The following FCGRT variants were observed in gnomAD, a reference collection of about 807,000 sequenced individuals.
FCGRT encodes IgG receptor FcRn large subunit p51.
Under a neutral mutation model 35.7 loss-of-function variants are expected in FCGRT, and 13 were observed. That is an observed-to-expected ratio of 0.36 (90% CI 0.24 to 0.58). The LOEUF (loss-of-function observed/expected upper bound fraction) is 0.58. Among genes scored for constraint, FCGRT ranks in the 20% least tolerant of loss-of-function variants. The pLI, the probability that FCGRT is intolerant of heterozygous loss-of-function variation, is 0.77. For synonymous variants in FCGRT, 233 were observed against 216.5 expected (o/e 1.08, Z -0.67); for missense variants, 455 against 474.9 (o/e 0.96, Z 0.39).
chr19:49,519,311 A>C (rs2080027086), intron 4 of FCGRT, among the ~76,000 whole-genome samples: 1 of 151,204 alleles, frequency 6.6e-6, no homozygotes, highest in South Asian at 2.1e-4. Context: ...TTGGTGTTTA[A>C]TCTCAGAAGT....
chr19:49,522,923 G>T (rs1366451077), intron 4 of FCGRT, among the ~76,000 whole-genome samples: 1 of 151,340 alleles, frequency 6.6e-6, no homozygotes, highest in East Asian at 1.9e-4. Flanking sequence ...GACTACAGGC[G>T]CCGGCCACCA....
chr19:49,517,213 A>T (rs2080012717), intron 4 of FCGRT, among the ~76,000 whole-genome samples: 1 of 152,082 alleles, frequency 6.6e-6, no homozygotes, highest in African/African-American at 2.4e-5. Flanking sequence ...TATGGTGGCC[A>T]GGTGCAGTGG....
chr19:49,515,140 C>T (rs1183421517), intron 4 of FCGRT: 1 of 152,076 alleles, frequency 6.6e-6, no homozygotes, highest in East Asian at 1.9e-4. Context: ...GACCACAGCC[C>T]AGCATCATCA....
intron 4 of FCGRT, among the ~76,000 whole-genome samples, chr19:49,522,870 C>T (rs1449395643): frequency 1.3e-5 from 2 of 148,938 alleles, no homozygotes; most frequent in Admixed American, 6.7e-5. Flanking sequence ...CTCCGCCTCC[C>T]GGGTTCACGC....
At position 49,524,475 on chromosome 19, in the gene FCGRT, C is replaced by T. The variant is rs761512901; in HGVS notation, c.602-32C>T. 5.9e-5 allele frequency: 93 copies of T among 1,589,040 alleles called. No homozygotes were observed. In the East Asian group the frequency reaches 1.1e-3, roughly 18 times the overall value. On this transcript the variant is annotated intron_variant, in intron 4 of 6. Coordinates refer to ENST00000221466, the MANE Select transcript of FCGRT (RefSeq NM_001136019.3). ...CCTGGCTCTGGGAGTGGTGGGCTCG[C>T]GACTTAGGCCTGTCTGCCTGATTTC...
chr19:49,526,225 C>T lies in FCGRT; in HGVS notation c.*106C>T. On this transcript the variant is annotated 3_prime_UTR_variant, in exon 7 of 7. Transcript: ENST00000221466. Reference sequence around the variant, plus strand: ...CTGAGCCTCCAGAAGGGGTTCTGGGCCTAGTTGTCCTCCCTCTGGAGCCCC... The same window carrying T: ...CTGAGCCTCCAGAAGGGGTTCTGGGTCTAGTTGTCCTCCCTCTGGAGCCCC... 1.4e-6 allele frequency: 1 copy of T among 737,766 alleles called. No individual in the cohort carries two copies. Among genetic ancestry groups the T allele is most frequent in the Non-Finnish European group, 2.4e-6 (1 of 423,268 alleles). The allele number at this position is 737,766 out of a possible 1,614,324, so 45.7% of individuals were successfully genotyped here. A position where few individuals can be genotyped will look rare whatever the true frequency, so the allele number is the denominator to read the frequency against.
chr19:49,526,036 G>A lies in FCGRT; in HGVS notation c.1015G>A (p.Asp339Asn), dbSNP rs757342904. 15 of 1,612,738 alleles carry A rather than the reference G, an allele frequency of 9.3e-6. No homozygotes were observed. Among genetic ancestry groups the A allele is most frequent in the African/African-American group, 2.7e-5 (2 of 74,892 alleles). ...CCCTTGGATCTCCCTTCGTGGAGACGACACCGGGGTCCTCCTGCCCACCCC... is the reference window on the plus strand; with the variant it reads ...CCCTTGGATCTCCCTTCGTGGAGACAACACCGGGGTCCTCCTGCCCACCCC... ...PAPWISLRGD[D>N]TGVLLPTPGE... The change falls in exon 7 of 7, where the codon GAC (aspartate) becomes AAC (asparagine). Residue 339 changes from aspartate to asparagine, a missense_variant. Around this residue, in one of 3 missense-constraint regions of FCGRT, gnomAD observed 312 missense variants for 296.1 expected, o/e 1.05. Coordinates refer to ENST00000221466, the MANE Select transcript of FCGRT (RefSeq NM_001136019.3).
intron 4 of FCGRT, among the ~76,000 whole-genome samples, chr19:49,523,442 C>G (rs998333512): frequency 2.0e-5 from 3 of 152,012 alleles, no homozygotes; most frequent in Non-Finnish European, 2.9e-5. Context: ...GGTGCATGCA[C>G]CTGTAGTCCC....
At chr19:49,522,470 C>T (rs1024852092) in intron 4 of FCGRT, among the ~76,000 whole-genome samples, 3 of 151,810 alleles carry the variant, frequency 2.0e-5, no homozygotes, top group Admixed American at 6.6e-5. Context: ...CTTGCTCTGT[C>T]GCCCAGGCTG....
At chr19:49,514,554 C>A in intron 4 of FCGRT, 68 bp downstream of exon 4, 1 of 1,417,384 alleles carries the variant, frequency 7.1e-7, no homozygotes, top group Non-Finnish European at 9.4e-7. Flanking sequence ...CCTCAGTTCC[C>A]CTGCCAGGAC....
chr19:49,525,641 C>T, intron 6 of FCGRT, 68 bp downstream of exon 6: 1 of 1,122,466 alleles, frequency 8.9e-7, no homozygotes, highest in Non-Finnish European at 1.3e-6. Context: ...GCACACAGAC[C>T]TGGGAGGACA....
intron 6 of FCGRT, 56 bp downstream of exon 6, chr19:49,525,629 G>A: frequency 7.2e-6 from 9 of 1,243,972 alleles, no homozygotes; most frequent in Non-Finnish European, 1.1e-5. Context: ...CCCAAGAGAG[G>A]GGCACACAGA....
chr19:49,524,162 G>C (rs192720417), intron 4 of FCGRT, among the ~76,000 whole-genome samples: 1 of 151,950 alleles, frequency 6.6e-6, no homozygotes, highest in Non-Finnish European at 1.5e-5. Context: ...GGGACTACAG[G>C]TGCCCGGCTA....
At chr19:49,513,316 T>C (rs2079984528) in intron 1 of FCGRT, 71 bp from the exon 2 acceptor site, 1 of 736,104 alleles carries the variant, frequency 1.4e-6, no homozygotes, top group African/African-American at 1.8e-5. Flanking sequence ...GTCCCGGCCG[T>C]GCCCGCGGTG....
intron 4 of FCGRT, among the ~76,000 whole-genome samples, chr19:49,523,512 G>A (rs1421216383): frequency 5.3e-5 from 8 of 152,238 alleles, no homozygotes; most frequent in Admixed American, 4.6e-4. Flanking sequence ...GGGTTGCAGT[G>A]AGTCGAGATC....
chr19:49,516,677 C>G (rs1455462193), intron 4 of FCGRT, among the ~76,000 whole-genome samples: 3 of 151,934 alleles, frequency 2.0e-5, no homozygotes, highest in Non-Finnish European at 2.9e-5. Context: ...CTACCTCAGC[C>G]TCCCGAGTAG....
chr19:49,520,047 G>A (rs567087971), intron 4 of FCGRT, among the ~76,000 whole-genome samples: 1 of 151,280 alleles, frequency 6.6e-6, no homozygotes, highest in Admixed American at 6.6e-5. Flanking sequence ...TGGGCAGGCT[G>A]GTCTTGAACT....
intron 4 of FCGRT, among the ~76,000 whole-genome samples, chr19:49,517,342 T>C (rs1415613711): frequency 2.0e-5 from 3 of 151,924 alleles, no homozygotes; most frequent in African/African-American, 7.2e-5. Flanking sequence ...CATACAAAAA[T>C]TAGCCGGGTG....
chr19:49,513,748 CCG>C (rs1491046190), intron 2 of FCGRT, 132 bp from the exon 3 acceptor site: 3 of 308,828 alleles, frequency 9.7e-6, no homozygotes, highest in Admixed American at 4.2e-5. Context: ...CCCCCCCCCC[CCG>C]GGTTTCTGTC....
Sources: allele counts gnomAD v4.1 joint callset (sites outside exome capture counted in the v4.1 genomes callset), GRCh38; gene constraint gnomAD v4.1.1; regional missense constraint gnomAD v4.1.1; transcripts MANE v1.5; gene names NCBI Gene and HGNC (gene_info 2026-07-23, HGNC 2026-07-21).